CDS1: variants seen among roughly 807,000 people sequenced by gnomAD.
The protein encoded by CDS1 is phosphatidate cytidylyltransferase 1.
Under a neutral mutation model 62.1 loss-of-function variants are expected in CDS1, and 41 were observed. The ratio of observed to expected loss-of-function variants is 0.66; its 90% CI spans 0.51 to 0.86. CDS1 has a LOEUF of 0.86. Ranked by LOEUF, CDS1 falls within the 40% of genes least tolerant of loss-of-function variation. CDS1 has a pLI of 0.00. For missense variants in CDS1, 470 were observed against 550.1 expected, an observed-to-expected ratio of 0.85 and a Z score of 1.46; for synonymous variants, 185 against 192.6, an observed-to-expected ratio of 0.96 and a Z score of 0.32.
At chr4:84,620,423 C>T (rs1329578892) in intron 5 of CDS1, among the ~76,000 whole-genome samples, 2 of 151,550 alleles carry the variant, frequency 1.3e-5, no homozygotes, top group African/African-American at 4.8e-5. Context: ...GGGGTTTCAC[C>T]GTGTTAGCCA....
At chr4:84,595,396 AT>A (rs1385081906) in intron 1 of CDS1, among the ~76,000 whole-genome samples, 7 of 152,050 alleles carry the variant, frequency 4.6e-5, no homozygotes, top group Non-Finnish European at 8.8e-5. Flanking sequence ...TTATTTCTCA[AT>A]TATTTATAAT....
intron 1 of CDS1, among the ~76,000 whole-genome samples, chr4:84,600,367 T>G (rs1722899222): frequency 6.6e-6 from 1 of 152,232 alleles, no homozygotes; most frequent in African/African-American, 2.4e-5. Context: ...TTTGATGAAG[T>G]TATATTTATC....
At position 84,642,889 on chromosome 4, in the gene CDS1, A is replaced by G. The variant is rs535038461; in HGVS notation, c.1033-135A>G. The G allele has an allele frequency of 2.4e-5, 20 of 835,646 alleles. No homozygotes were observed. In the South Asian group the frequency reaches 2.8e-4, roughly 12 times the overall value. 51.8% of individuals were successfully genotyped at this position (835,646 alleles called of 1,614,324 possible). A position where few individuals can be genotyped will look rare whatever the true frequency, so the allele number is the denominator to read the frequency against. On this transcript the variant is annotated intron_variant, in intron 10 of 12. Transcript: ENST00000295887. The stretch of plus-strand genomic sequence containing the variant: ...ATAGACTTTTCTTCCTTGATCCTTA[A>G]AGTTTGAAAAATTAACAAAAATGTG...
At chr4:84,611,582 G>T (rs1463957706) in intron 3 of CDS1, among the ~76,000 whole-genome samples, 2 of 152,142 alleles carry the variant, frequency 1.3e-5, no homozygotes, top group Non-Finnish European at 2.9e-5. Context: ...GCCACTTAAA[G>T]TGGCTTTTAT....
intron 5 of CDS1, among the ~76,000 whole-genome samples, chr4:84,619,828 T>C (rs942214220): frequency 6.6e-6 from 1 of 151,514 alleles, no homozygotes; most frequent in African/African-American, 2.4e-5. Flanking sequence ...AAGTCGGGAG[T>C]TTGAGACCAG....
chr4:84,608,944 C>T (rs1179699407), intron 2 of CDS1, among the ~76,000 whole-genome samples: 2 of 151,738 alleles, frequency 1.3e-5, no homozygotes, highest in Admixed American at 6.6e-5. Context: ...TTTGGGAGGC[C>T]GAGGCAAGCA....
chr4:84,619,044 T>TACACACACACACACAC (rs33991933), intron 4 of CDS1, among the ~76,000 whole-genome samples: 89 of 140,988 alleles, frequency 6.3e-4, no homozygotes, highest in Admixed American at 1.2e-3. Flanking sequence ...ATTAAATTTA[T>TACACACACACACACAC]ACACACACAC....
intron 8 of CDS1, among the ~76,000 whole-genome samples, chr4:84,637,504 C>T (rs542921766): frequency 5.3e-5 from 8 of 152,244 alleles, no homozygotes; most frequent in East Asian, 1.9e-4. Flanking sequence ...ATCATGAGAA[C>T]TCATGGGACA....
intron 5 of CDS1, among the ~76,000 whole-genome samples, chr4:84,623,195 G>A (rs747471518): frequency 7.2e-5 from 11 of 152,110 alleles, no homozygotes; most frequent in Non-Finnish European, 1.2e-4. Context: ...GATTTGAGCC[G>A]GTTTCTTCCA....
intron 1 of CDS1, among the ~76,000 whole-genome samples, chr4:84,603,198 G>T (rs985010988): frequency 2.0e-5 from 3 of 152,200 alleles, no homozygotes; most frequent in African/African-American, 7.2e-5. Context: ...GCTGAGTTTG[G>T]ATTGAGAATC....
At chr4:84,588,056 G>A (rs966745781) in intron 1 of CDS1, among the ~76,000 whole-genome samples, 14 of 152,182 alleles carry the variant, frequency 9.2e-5, no homozygotes, top group Admixed American at 7.9e-4. Context: ...CCTCTGAACA[G>A]CCATCTCAAA....
intron 1 of CDS1, among the ~76,000 whole-genome samples, chr4:84,600,399 TTTG>T (rs1722899831): frequency 6.6e-6 from 1 of 152,188 alleles, no homozygotes; most frequent in South Asian, 2.1e-4. Context: ...GGATAATAAT[TTTG>T]TTATCATACT....
intron 8 of CDS1, among the ~76,000 whole-genome samples, chr4:84,635,898 A>C (rs1724193548): frequency 6.6e-6 from 1 of 151,322 alleles, no homozygotes; most frequent in Non-Finnish European, 1.5e-5. Flanking sequence ...CTGGGGCTTC[A>C]GGTGCATGCC....
At position 84,589,697 on chromosome 4, in the gene CDS1, T is replaced by G. The variant is rs375290731; in HGVS notation, c.117+6179T>G. Among the ~76,000 whole-genome samples, 11 of 152,318 alleles carry G rather than the reference T, an allele frequency of 7.2e-5. No individual in the cohort carries two copies. In the South Asian group the frequency reaches 2.1e-3, roughly 29 times the overall value. On this transcript the variant is annotated intron_variant, in intron 1 of 12. Coordinates refer to ENST00000295887, the MANE Select transcript of CDS1 (RefSeq NM_001263.4). ...GCCAGGTGGTAAGACAGAGCTGGGT[T>G]TTTAGCTTACTGCAGTGAGGAACAC...
intron 11 of CDS1, among the ~76,000 whole-genome samples, chr4:84,644,569 C>A (rs1243531746): frequency 6.6e-6 from 1 of 152,050 alleles, no homozygotes; most frequent in South Asian, 2.1e-4. Flanking sequence ...TTTTAGGGTG[C>A]CTGAGTGAAC....
At chr4:84,589,519 A>G (rs1404378791) in intron 1 of CDS1, among the ~76,000 whole-genome samples, 1 of 152,232 alleles carries the variant, frequency 6.6e-6, no homozygotes, top group Non-Finnish European at 1.5e-5. Flanking sequence ...CTGGACTACC[A>G]TTTGGGCTGA....
At chr4:84,636,495 T>C (rs1196962828) in intron 8 of CDS1, among the ~76,000 whole-genome samples, 1 of 152,184 alleles carries the variant, frequency 6.6e-6, no homozygotes, top group Non-Finnish European at 1.5e-5. Flanking sequence ...AACTGATTTC[T>C]TCTAAAAGAG....
intron 1 of CDS1, among the ~76,000 whole-genome samples, chr4:84,598,481 T>C (rs2110041136): frequency 6.6e-6 from 1 of 152,090 alleles, no homozygotes; most frequent in African/African-American, 2.4e-5. Flanking sequence ...TTGTTACATA[T>C]GTATACTCAC....
chr4:84,612,817 G>A (rs78618672), intron 3 of CDS1, among the ~76,000 whole-genome samples: 4,991 of 151,766 alleles, frequency 0.033, 272 homozygotes, highest in African/African-American at 0.11. Flanking sequence ...GTGAAACCTC[G>A]TCTCTTTTAA....
Sources: allele counts gnomAD v4.1 joint callset (sites outside exome capture counted in the v4.1 genomes callset), GRCh38; gene constraint gnomAD v4.1.1; transcripts MANE v1.5; gene names NCBI Gene and HGNC (gene_info 2026-07-23, HGNC 2026-07-21).